Variants in CNBD1 observed in about 807,000 individuals in gnomAD.
CNBD1 encodes the protein cyclic nucleotide binding domain containing 1, also known as cyclic nucleotide-binding domain-containing protein 1.
CNBD1 carries 71 observed loss-of-function variants against 54.4 expected under a neutral mutation model. The observed-to-expected ratio is 1.30, with a 90% CI of 1.08 to 1.59. CNBD1 has a LOEUF of 1.59. Among genes scored for constraint, CNBD1 ranks in the 40% most tolerant of loss-of-function variants. The pLI is 0.00. For missense variants in CNBD1, 659 were observed against 518.0 expected, an observed-to-expected ratio of 1.27 and a Z score of -2.64; for synonymous variants, 182 against 170.7, an observed-to-expected ratio of 1.07 and a Z score of -0.51.
chr8:87,254,798 T>A (rs1006826907), intron 6 of CNBD1, among the ~76,000 whole-genome samples: 1 of 152,200 alleles, frequency 6.6e-6, no homozygotes, highest in African/African-American at 2.4e-5. Context: ...GCACTCCTTT[T>A]ATTTAGCGTT....
At chr8:87,075,853 C>T (rs1292118163) in intron 4 of CNBD1, among the ~76,000 whole-genome samples, 8 of 152,168 alleles carry the variant, frequency 5.3e-5, no homozygotes, top group Non-Finnish European at 8.8e-5. Flanking sequence ...GGTGCCTAGA[C>T]TGAACCCCTG....
intron 4 of CNBD1, among the ~76,000 whole-genome samples, chr8:87,123,456 T>C (rs561369109): frequency 6.6e-6 from 1 of 151,796 alleles, no homozygotes; most frequent in Admixed American, 6.6e-5. Flanking sequence ...ATAAATATCT[T>C]GAGACAAATG....
intron 2 of CNBD1, among the ~76,000 whole-genome samples, chr8:87,402,103 C>T (rs1807575928): frequency 6.6e-6 from 1 of 151,992 alleles, no homozygotes; most frequent in South Asian, 2.1e-4. Flanking sequence ...GGAATGAAGG[C>T]ACATCTTACA....
chr8:87,283,345 T>C (rs1171844778), intron 6 of CNBD1, among the ~76,000 whole-genome samples: 1 of 152,070 alleles, frequency 6.6e-6, no homozygotes, highest in African/African-American at 2.4e-5. Flanking sequence ...TTTCTCCTTC[T>C]TCATGGACTT....
intron 4 of CNBD1, among the ~76,000 whole-genome samples, chr8:87,067,774 G>A (rs1008265605): frequency 6.6e-6 from 1 of 151,696 alleles, no homozygotes; most frequent in African/African-American, 2.4e-5. Context: ...TCTCTTTAAA[G>A]TGCGATTGAT....
At chr8:87,308,307 A>G (rs946846859) in intron 8 of CNBD1, among the ~76,000 whole-genome samples, 2 of 152,074 alleles carry the variant, frequency 1.3e-5, no homozygotes, top group African/African-American at 4.8e-5. Context: ...TGTCACTTGC[A>G]ATTTTTACCA....
At chr8:87,145,645 G>T (rs1310746739) in intron 4 of CNBD1, among the ~76,000 whole-genome samples, 1 of 152,156 alleles carries the variant, frequency 6.6e-6, no homozygotes, top group Admixed American at 6.5e-5. Context: ...TAGATTTCAA[G>T]TGTTGGAAAA....
intron 4 of CNBD1, among the ~76,000 whole-genome samples, chr8:87,137,165 T>C (rs995343399): frequency 7.1e-6 from 1 of 140,780 alleles, no homozygotes; most frequent in Non-Finnish European, 1.5e-5. Context: ...CTATATAAAT[T>C]ATATATATTA....
intron 4 of CNBD1, among the ~76,000 whole-genome samples, chr8:87,062,835 T>C (rs1463244979): frequency 2.0e-5 from 3 of 152,142 alleles, no homozygotes; most frequent in South Asian, 4.1e-4. Context: ...TATATTGAAA[T>C]TCCGCAATTC....
In CNBD1 at chr8:86,946,732, C is replaced by G. The variant is rs114782886; in HGVS notation, c.431+6978C>G. 7.5e-3 allele frequency among the ~76,000 whole-genome samples: 1,135 copies of G among 152,088 alleles called. 11 individuals carry two copies. Among genetic ancestry groups the G allele is most frequent in the African/African-American group, 0.026 (1,088 of 41,530 alleles). ...ATTTAATAACAATGGAACACAAAGTCTTTTAAGAATATTTCTTGTAACAAC... is the reference window on the plus strand; with the variant it reads ...ATTTAATAACAATGGAACACAAAGTGTTTTAAGAATATTTCTTGTAACAAC... On this transcript the variant is annotated intron_variant, in intron 4 of 10. Transcript: ENST00000518476.
chr8:87,359,684 A>G (rs1180070423), intron 10 of CNBD1, among the ~76,000 whole-genome samples: 5 of 152,096 alleles, frequency 3.3e-5, no homozygotes, highest in East Asian at 1.9e-4. Context: ...ATGAAATAAC[A>G]TAGGACAGGA....
At chr8:86,980,384 C>T (rs184923489) in intron 4 of CNBD1, among the ~76,000 whole-genome samples, 1 of 152,204 alleles carries the variant, frequency 6.6e-6, no homozygotes, top group East Asian at 1.9e-4. Context: ...GCCATATTTA[C>T]TGTACACATT....
At chr8:87,256,733 G>T (rs1808032350) in intron 6 of CNBD1, among the ~76,000 whole-genome samples, 1 of 80,084 alleles carries the variant, frequency 1.2e-5, no homozygotes, top group South Asian at 4.0e-4. Flanking sequence ...CATCAAGGAT[G>T]TCATCTTTTC....
chr8:87,327,471 G>C (rs537344817), intron 8 of CNBD1, among the ~76,000 whole-genome samples: 1 of 152,200 alleles, frequency 6.6e-6, no homozygotes, highest in African/African-American at 2.4e-5. Context: ...GTGGGCGTAG[G>C]ATACTCCGAA....
intron 5 of CNBD1, among the ~76,000 whole-genome samples, chr8:87,231,787 T>A (rs1807442023): frequency 6.6e-6 from 1 of 152,176 alleles, no homozygotes; most frequent in African/African-American, 2.4e-5. Context: ...AAAATTTATA[T>A]ACAGTGATGT....
At chr8:87,186,087 A>G (rs1431749412) in intron 4 of CNBD1, among the ~76,000 whole-genome samples, 1 of 152,156 alleles carries the variant, frequency 6.6e-6, no homozygotes, top group Non-Finnish European at 1.5e-5. Flanking sequence ...TGTTTCCAGC[A>G]GGTATTTAAA....
At chr8:87,210,247 T>A (rs1377031173) in intron 5 of CNBD1, among the ~76,000 whole-genome samples, 2 of 152,176 alleles carry the variant, frequency 1.3e-5, no homozygotes, top group African/African-American at 4.8e-5. Flanking sequence ...AAGTTGGAAG[T>A]TCTCTTTAAA....
chr8:87,321,560 T>C (rs1809533208), intron 8 of CNBD1, among the ~76,000 whole-genome samples: 1 of 152,144 alleles, frequency 6.6e-6, no homozygotes, highest in African/African-American at 2.4e-5. Context: ...GCTACTGAGT[T>C]ATAGATGTTC....
At chr8:87,062,417 C>A (rs1027759832) in intron 4 of CNBD1, among the ~76,000 whole-genome samples, 2 of 152,082 alleles carry the variant, frequency 1.3e-5, no homozygotes, top group Non-Finnish European at 2.9e-5. Flanking sequence ...ATTTTGATTG[C>A]TTACTATAAA....
Sources: gnomAD v4.1 joint callset for allele counts (sites outside exome capture counted in the v4.1 genomes callset) on GRCh38, gnomAD v4.1.1 for gene constraint, MANE v1.5 for transcripts, NCBI Gene and HGNC (gene_info 2026-07-23, HGNC 2026-07-21) for gene names.